Variants in SLC28A1 observed in about 807,000 individuals in gnomAD.
SLC28A1 encodes sodium/nucleoside cotransporter 1.
Under a neutral mutation model 74.8 loss-of-function variants are expected in SLC28A1, and 64 were observed. That is an observed-to-expected ratio of 0.86 (90% CI 0.70 to 1.05). The LOEUF (loss-of-function observed/expected upper bound fraction) is 1.05. Among genes scored for constraint, SLC28A1 ranks in the 50% least tolerant of loss-of-function variants. SLC28A1 has a pLI of 0.00. For missense variants in SLC28A1, 828 were observed against 822.8 expected (o/e 1.01, Z -0.08); for synonymous variants, 359 against 335.0 (o/e 1.07, Z -0.78).
At chr15:84,926,628 C>CT (rs2141955950) in intron 12 of SLC28A1, 1 of 446,910 alleles carries the variant, frequency 2.2e-6, no homozygotes, top group South Asian at 1.6e-5. Context: ...ACTGGACAGC[C>CT]TAAATGCCCA....
chr15:84,953,279 A>G, the SLC28A1 span, among the ~76,000 whole-genome samples: 1 of 152,242 alleles, frequency 6.6e-6, no homozygotes. Context: ...TGGTATGGAA[A>G]AGACAGGGCC....
chr15:84,929,124 T>C (rs1483459012), intron 12 of SLC28A1, among the ~76,000 whole-genome samples: 1 of 152,248 alleles, frequency 6.6e-6, no homozygotes, highest in African/African-American at 2.4e-5. Context: ...TAATTTTAAA[T>C]TTTTATTTTG....
the SLC28A1 span, among the ~76,000 whole-genome samples, chr15:84,964,809 G>C: frequency 6.6e-6 from 1 of 152,192 alleles, no homozygotes; most frequent in Non-Finnish European, 1.5e-5. Flanking sequence ...AGCCCCAGCA[G>C]ATATTTCTTT....
intron 9 of SLC28A1, among the ~76,000 whole-genome samples, chr15:84,910,929 A>G (rs12917346): frequency 0.14 from 20,750 of 152,184 alleles, 1,876 homozygotes; most frequent in Non-Finnish European, 0.18. Context: ...AGAGATTTGG[A>G]CAGACTGAGC....
At chr15:84,975,507 T>C in the SLC28A1 span, 1 of 456,216 alleles carries the variant, frequency 2.2e-6, no homozygotes, top group Non-Finnish European at 4.4e-6. Context: ...GCTCTTAGGA[T>C]ATTCAAAAGT....
intron 12 of SLC28A1, among the ~76,000 whole-genome samples, chr15:84,931,361 G>A (rs1204889280): frequency 2.6e-5 from 4 of 151,796 alleles, no homozygotes; most frequent in Non-Finnish European, 5.9e-5. Context: ...ATATTGTTGT[G>A]GACATTTTGA....
At chr15:84,910,927 G>A (rs746743168) in intron 9 of SLC28A1, among the ~76,000 whole-genome samples, 2 of 152,170 alleles carry the variant, frequency 1.3e-5, no homozygotes, top group Non-Finnish European at 2.9e-5. Context: ...GAAGAGATTT[G>A]GACAGACTGA....
chr15:84,915,542 C>T (rs926999931), intron 9 of SLC28A1, among the ~76,000 whole-genome samples: 3 of 152,174 alleles, frequency 2.0e-5, no homozygotes, highest in African/African-American at 4.8e-5. Context: ...TGTGGTCTCC[C>T]CTTCTTCATG....
the SLC28A1 span, among the ~76,000 whole-genome samples, chr15:84,971,713 G>A: frequency 4.1e-5 from 6 of 145,926 alleles, no homozygotes; most frequent in Admixed American, 3.5e-4. Context: ...ACACTGGCAC[G>A]ATCTCAGCTC....
rs1261898691 is a variant in SLC28A1 at position 84,890,480 on chromosome 15, T to G, written c.223T>G (p.Cys75Gly). Residue 75 changes from cysteine (C) to glycine (G), a missense_variant, in exon 5 of 19, where the codon TGC (cysteine) becomes GGC (glycine). Transcript: ENST00000394573. ...LQPALRARSF[C>G]REHMQLFRWI... ...GCCAGCCCTGAGAGCCAGAAGCTTC[T>G]GCAGGGAGCACATGCAGCTGTTTCG... The G allele has an allele frequency of 1.2e-6, 2 of 1,611,014 alleles. No homozygotes were observed. Among genetic ancestry groups the G allele is most frequent in the African/African-American group, 2.7e-5 (2 of 74,888 alleles).
At chr15:84,957,128 CT>C in the SLC28A1 span, among the ~76,000 whole-genome samples, 1 of 151,990 alleles carries the variant, frequency 6.6e-6, no homozygotes, top group Non-Finnish European at 1.5e-5. Context: ...TAAAATTACC[CT>C]ATAGTGTAAA....
intron 1 of SLC28A1, among the ~76,000 whole-genome samples, chr15:84,885,936 A>T (rs1029522152): frequency 6.6e-6 from 1 of 152,232 alleles, no homozygotes; most frequent in South Asian, 2.1e-4. Context: ...TCCATCCACC[A>T]TCCTCTCCAA....
At chr15:84,905,412 C>G (rs1381057092) in intron 7 of SLC28A1, 127 bp from the exon 8 acceptor site, 2 of 715,854 alleles carry the variant, frequency 2.8e-6, no homozygotes, top group African/African-American at 1.7e-5. Context: ...TGGCAACAGG[C>G]CTAGTACTCT....
At chr15:84,933,345 G>GT (rs1478746014) in intron 13 of SLC28A1, 70 bp downstream of exon 13, 1 of 1,551,194 alleles carries the variant, frequency 6.4e-7, no homozygotes, top group Non-Finnish European at 8.8e-7. Flanking sequence ...AGAGGGTCCC[G>GT]TTCTCTCTGT....
At chr15:84,934,966 A>G in intron 13 of SLC28A1, 60 bp from the exon 14 acceptor site, 1 of 1,438,506 alleles carries the variant, frequency 7.0e-7, no homozygotes, top group South Asian at 1.1e-5. Flanking sequence ...CCTATAGGAT[A>G]GGGACCCTTG....
chr15:84,962,168 G>T, the SLC28A1 span, among the ~76,000 whole-genome samples: 14 of 151,994 alleles, frequency 9.2e-5, no homozygotes, highest in Non-Finnish European at 1.8e-4. Context: ...TCCAACTCCT[G>T]AGCTCAGGTG....
intron 15 of SLC28A1, chr15:84,939,603 T>G (rs1186537984): frequency 6.6e-6 from 1 of 152,192 alleles, no homozygotes; most frequent in Non-Finnish European, 1.5e-5. Context: ...ATAAGGAAAT[T>G]TATTTTTTGG....
At chr15:84,967,333 C>T in the SLC28A1 span, among the ~76,000 whole-genome samples, 5 of 152,164 alleles carry the variant, frequency 3.3e-5, no homozygotes, top group Admixed American at 6.5e-5. Context: ...CTTTCTACCC[C>T]CCACCTCACC....
chr15:84,893,565 G>A (rs930476706), intron 5 of SLC28A1, among the ~76,000 whole-genome samples: 8 of 119,968 alleles, frequency 6.7e-5, no homozygotes, highest in African/African-American at 2.2e-4. Context: ...TCCTCTGGGG[G>A]TCACCGGGGG....
Sources: gnomAD v4.1 joint callset for allele counts (sites outside exome capture counted in the v4.1 genomes callset) on GRCh38, gnomAD v4.1.1 for gene constraint, MANE v1.5 for transcripts, NCBI Gene and HGNC (gene_info 2026-07-23, HGNC 2026-07-21) for gene names.